Variants in PTPRT observed in about 807,000 individuals in gnomAD.
PTPRT encodes the protein protein tyrosine phosphatase receptor type T, also known as receptor-type tyrosine-protein phosphatase T.
PTPRT carries 56 observed loss-of-function variants against 176.8 expected under a neutral mutation model. The observed-to-expected ratio is 0.32, with a 90% CI of 0.26 to 0.40. The LOEUF (loss-of-function observed/expected upper bound fraction) is 0.40, where lower values mean the gene tolerates loss of function less well. PTPRT is among the 10% of genes least tolerant of loss of function. The pLI, the probability that PTPRT is intolerant of heterozygous loss-of-function variation, is 1.00. For missense variants in PTPRT, 1,540 were observed against 1,908.2 expected (o/e 0.81, Z 3.60); for synonymous variants, 783 against 739.0 (o/e 1.06, Z -0.96).
chr20:42,346,386 C>T (rs936276711), intron 11 of PTPRT, among the ~76,000 whole-genome samples: 6 of 151,994 alleles, frequency 3.9e-5, no homozygotes, highest in Non-Finnish European at 7.4e-5. Flanking sequence ...ACAGGTGGGG[C>T]GTGGGGGAAG....
chr20:42,044,871 C>G, the PTPRT span, among the ~76,000 whole-genome samples: 1 of 152,184 alleles, frequency 6.6e-6, no homozygotes, highest in African/African-American at 2.4e-5. Context: ...GAAGTGCTGT[C>G]TTCCTTTGTG....
At chr20:42,805,155 T>C (rs1329973551) in intron 2 of PTPRT, among the ~76,000 whole-genome samples, 2 of 152,126 alleles carry the variant, frequency 1.3e-5, no homozygotes, top group Non-Finnish European at 2.9e-5. Context: ...AAACAATACA[T>C]GGGGAAACAA....
chr20:42,075,719 T>G lies in PTPRT; in HGVS notation c.*5160A>C, dbSNP rs1394318014. 1 of 208,158 alleles carries G rather than the reference T, an allele frequency of 4.8e-6. No individual in the cohort carries two copies. Among genetic ancestry groups the G allele is most frequent in the African/African-American group, 2.3e-5 (1 of 44,044 alleles). 12.9% of individuals were successfully genotyped at this position (208,158 alleles called of 1,614,324 possible). ...CAGTCTTACTGGACTGATACCTCTA[T>G]GTACTCTAAGGGGTTCCCACCAGCG... On this transcript the variant is annotated 3_prime_UTR_variant, in exon 31 of 31. Transcript: ENST00000373187.
chr20:42,717,193 AAT>A, intron 6 of PTPRT, among the ~76,000 whole-genome samples: 2 of 149,022 alleles, frequency 1.3e-5, no homozygotes, highest in Non-Finnish European at 3.0e-5. Context: ...TAATAATAAT[AAT>A]AATAATAATA....
In PTPRT at chr20:42,582,334, G is replaced by T. The variant is rs542483629; in HGVS notation, c.1153+95532C>A. ...AGAATGAACCTCAAACTCAGGGTTG[G>T]CCAGACGAAGCTCTGAGGCTAGAGG... On this transcript the variant is annotated intron_variant, in intron 7 of 30. Coordinates refer to ENST00000373187, the MANE Select transcript of PTPRT (RefSeq NM_007050.6). 1.7e-3 allele frequency among the ~76,000 whole-genome samples: 262 copies of T among 152,278 alleles called. 1 individual carries two copies. The highest frequency in any genetic ancestry group is 6.2e-3 in the African/African-American group (257 of 41,558).
chr20:42,224,678 C>T (rs2055964401), intron 15 of PTPRT, among the ~76,000 whole-genome samples: 1 of 152,172 alleles, frequency 6.6e-6, no homozygotes, highest in African/African-American at 2.4e-5. Flanking sequence ...AATGTCTAGG[C>T]ACTACCCCTG....
chr20:42,779,159 C>A (rs890254844), intron 4 of PTPRT, among the ~76,000 whole-genome samples: 1 of 152,200 alleles, frequency 6.6e-6, no homozygotes, highest in Non-Finnish European at 1.5e-5. Context: ...GAGGGTCTGA[C>A]AAATTCATTG....
At chr20:42,765,622 C>A (rs2076971723) in intron 5 of PTPRT, among the ~76,000 whole-genome samples, 1 of 152,006 alleles carries the variant, frequency 6.6e-6, no homozygotes, top group African/African-American at 2.4e-5. Flanking sequence ...TCTATTATTA[C>A]AATCAAGTGT....
intron 1 of PTPRT, among the ~76,000 whole-genome samples, chr20:43,121,099 T>G (rs910484045): frequency 6.6e-6 from 1 of 152,258 alleles, no homozygotes; most frequent in African/African-American, 2.4e-5. Flanking sequence ...TGCTCATTAA[T>G]GGTATCATAC....
At chr20:42,891,361 G>A (rs2079189807) in intron 1 of PTPRT, among the ~76,000 whole-genome samples, 1 of 152,206 alleles carries the variant, frequency 6.6e-6, no homozygotes, top group African/African-American at 2.4e-5. Context: ...CCTCCCCAGA[G>A]GAGCTATTTC....
At chr20:42,294,041 G>C (rs1434251471) in intron 12 of PTPRT, among the ~76,000 whole-genome samples, 1 of 152,084 alleles carries the variant, frequency 6.6e-6, no homozygotes. Flanking sequence ...AATGTCATAG[G>C]CCTGTTTGGT....
At chr20:42,997,719 G>A (rs2146121582) in intron 1 of PTPRT, among the ~76,000 whole-genome samples, 1 of 152,304 alleles carries the variant, frequency 6.6e-6, no homozygotes, top group African/African-American at 2.4e-5. Flanking sequence ...TAAGGACTTA[G>A]CTTAGTGCCT....
intron 7 of PTPRT, among the ~76,000 whole-genome samples, chr20:42,644,868 T>C (rs2074852317): frequency 6.6e-6 from 1 of 152,178 alleles, no homozygotes; most frequent in Non-Finnish European, 1.5e-5. Context: ...GATTACTAAG[T>C]ATGTGCTCTT....
intron 2 of PTPRT, among the ~76,000 whole-genome samples, chr20:42,866,008 C>A (rs1395127242): frequency 3.3e-5 from 5 of 152,204 alleles, no homozygotes; most frequent in Non-Finnish European, 7.3e-5. Context: ...CCTAGCTTCC[C>A]AAACACCCAG....
intron 1 of PTPRT, among the ~76,000 whole-genome samples, chr20:43,083,327 T>TATATATATATGTATATAC: frequency 1.7e-5 from 1 of 58,040 alleles, no homozygotes; most frequent in African/African-American, 1.2e-4. Context: ...AATGTATATA[T>TATATATATATGTATATAC]ATATATATAT....
At chr20:42,460,416 T>C (rs766282649) in intron 8 of PTPRT, among the ~76,000 whole-genome samples, 22 of 152,170 alleles carry the variant, frequency 1.4e-4, no homozygotes, top group Non-Finnish European at 4.4e-5. Context: ...GAGTAGCTGC[T>C]ACAGACCCTC....
chr20:43,080,814 A>C (rs2011420743), intron 1 of PTPRT, among the ~76,000 whole-genome samples: 1 of 152,220 alleles, frequency 6.6e-6, no homozygotes. Context: ...AATGCAGGAC[A>C]TGGGGCCTTA....
intron 1 of PTPRT, among the ~76,000 whole-genome samples, chr20:42,914,946 C>T (rs762861828): frequency 2.0e-5 from 3 of 151,754 alleles, no homozygotes; most frequent in Non-Finnish European, 4.4e-5. Context: ...GAAAACATGA[C>T]GCTAGGGTAC....
At chr20:42,212,315 A>G (rs906486545) in intron 15 of PTPRT, among the ~76,000 whole-genome samples, 18 of 82,086 alleles carry the variant, frequency 2.2e-4, no homozygotes, top group South Asian at 5.6e-4. Flanking sequence ...AAAAAAAAAA[A>G]GACAAAAAAA....
Sources: allele counts gnomAD v4.1 joint callset (sites outside exome capture counted in the v4.1 genomes callset), GRCh38; gene constraint gnomAD v4.1.1; transcripts MANE v1.5; gene names NCBI Gene and HGNC (gene_info 2026-07-23, HGNC 2026-07-21).